The following DZIP1 variants were observed in gnomAD, a reference collection of about 807,000 sequenced individuals.
DZIP1 encodes the protein DAZ interacting zinc finger protein 1, also known as cilium assembly protein DZIP1.
In DZIP1, 97 loss-of-function variants were observed where a neutral mutation model predicts 107.6. The ratio of observed to expected loss-of-function variants is 0.90; its 90% CI spans 0.77 to 1.07. The LOEUF is 1.07. Ranked by LOEUF, DZIP1 falls within the 50% of genes least tolerant of loss-of-function variation. The probability of loss-of-function intolerance (pLI) is 0.00; values close to 1 mark genes in which losing one functional copy is unlikely to be tolerated. For missense variants in DZIP1, 1,035 were observed against 1,063.6 expected (o/e 0.97, Z 0.37); for synonymous variants, 390 against 386.4 (o/e 1.01, Z -0.11).
chr13:95,633,933 A>C (rs1410889947), intron 5 of DZIP1, among the ~76,000 whole-genome samples: 2 of 152,170 alleles, frequency 1.3e-5, no homozygotes, highest in African/African-American at 4.8e-5. Context: ...AAAAGTAAAA[A>C]TATAAGTAAA....
intron 18 of DZIP1, 32 bp downstream of exon 18, chr13:95,589,771 G>C: frequency 6.2e-7 from 1 of 1,602,686 alleles, no homozygotes; most frequent in Non-Finnish European, 8.5e-7. Flanking sequence ...GACAAACACT[G>C]ATAAAATAAA....
chr13:95,582,367 A>C (rs2044031395), intron 22 of DZIP1, 54 bp from the exon 23 acceptor site: 1 of 1,400,814 alleles, frequency 7.1e-7, no homozygotes, highest in Admixed American at 1.7e-5. Flanking sequence ...AAACAAGCAC[A>C]TTGTCAAGTC....
Position 95,624,828 on chromosome 13 carries a change from G to T in DZIP1, c.912C>A (p.Val304=), listed in dbSNP as rs1035900584. The T allele has an allele frequency of 2.5e-6, 4 of 1,611,178 alleles. No individual in the cohort carries two copies. The highest frequency in any genetic ancestry group is 2.5e-6 in the Non-Finnish European group (3 of 1,178,200). The change falls in exon 8 of 23, where the codon GTC becomes GTA. Residue 304 remains valine (V), a synonymous_variant. Transcript: ENST00000376829. ...KEKLVDEMEK[V]KEMFMKEFKE... ...TAAATTCCTTCATAAACATCTCCTT[G>T]ACTTTTTCCATTTCATCAACTAGTT...
intron 7 of DZIP1, among the ~76,000 whole-genome samples, chr13:95,626,694 A>T (rs1395005453): frequency 6.6e-6 from 1 of 152,252 alleles, no homozygotes; most frequent in East Asian, 1.9e-4. Context: ...CAAGGTCAAC[A>T]TGCAAAAAGC....
At chr13:95,593,429 T>C (rs1042899047) in intron 16 of DZIP1, among the ~76,000 whole-genome samples, 69 of 152,234 alleles carry the variant, frequency 4.5e-4, no homozygotes, top group Non-Finnish European at 1.5e-5. Flanking sequence ...GTGTCTTTTA[T>C]GTATGTCAAT....
In DZIP1 at chr13:95,642,077, G is replaced by A; in HGVS notation, c.-48C>T. The A allele has an allele frequency of 6.7e-7, 1 of 1,487,738 alleles. No individual in the cohort carries two copies. Among genetic ancestry groups the A allele is most frequent in the Non-Finnish European group, 8.9e-7 (1 of 1,128,716 alleles). The allele number at this position is 1,487,738 out of a possible 1,614,324, so 92.2% of individuals were successfully genotyped here. The stretch of plus-strand genomic sequence containing the variant: ...CCCAGCCTGGGCCGCCTCCCGGGCC[G>A]CCGCCGCCACAGCCCTCAGGAGCGG... On this transcript the variant is annotated 5_prime_UTR_variant, in exon 4 of 23. Transcript: ENST00000376829.
chr13:95,615,358 C>A (rs1224146565), intron 10 of DZIP1, among the ~76,000 whole-genome samples: 3 of 152,130 alleles, frequency 2.0e-5, no homozygotes, highest in African/African-American at 7.2e-5. Context: ...AATAAAGAAA[C>A]CTGAATTCTG....
In DZIP1 at chr13:95,642,013, G is replaced by A; in HGVS notation, c.17C>T (p.Ala6Val). ...TCTTACCATGCTTGAAAACCAATCC[G>A]CTGCCTCAGCTTGCATAGGAGGAGC... is the stretch of plus-strand genomic sequence containing the variant. MQAEA[A>V]DWFSSMPFQK... The change falls in exon 4 of 23, where the codon GCG (alanine) becomes GTG (valine). Residue 6 changes from alanine (A) to valine (V), a missense_variant. Transcript: ENST00000376829. 3 of 1,576,638 alleles carry A rather than the reference G, an allele frequency of 1.9e-6. No individual in the cohort carries two copies. The highest frequency in any genetic ancestry group is 2.6e-6 in the Non-Finnish European group (3 of 1,166,762).
chr13:95,642,166 G>T lies in DZIP1; in HGVS notation c.-137C>A. ...CTAAGGTCTGGGCGTCCAGGACGTT[G>T]CTATAGCAGCGCCCAGGTCCGGACC... On this transcript the variant is annotated 5_prime_UTR_variant, in exon 4 of 23. Transcript: ENST00000376829. 8.5e-7 allele frequency: 1 copy of T among 1,182,786 alleles called. No homozygotes were observed. Among genetic ancestry groups the T allele is most frequent in the Non-Finnish European group, 1.1e-6 (1 of 886,454 alleles). The allele number at this position is 1,182,786 out of a possible 1,614,324, so 73.3% of individuals were successfully genotyped here.
At chr13:95,598,646 A>G (rs1174976426) in intron 15 of DZIP1, among the ~76,000 whole-genome samples, 1 of 152,124 alleles carries the variant, frequency 6.6e-6, no homozygotes, top group Non-Finnish European at 1.5e-5. Flanking sequence ...GAAGTGATAT[A>G]TGGTGAATTA....
At position 95,609,457 on chromosome 13, in the gene DZIP1, T is replaced by G. The variant is rs751863223; in HGVS notation, c.1420A>C (p.Met474Leu). The G allele has an allele frequency of 6.4e-7, 1 of 1,567,082 alleles. No homozygotes were observed. Among genetic ancestry groups the G allele is most frequent in the Non-Finnish European group, 8.6e-7 (1 of 1,158,082 alleles). Residue 474 changes from methionine to leucine, a missense_variant and splice_region_variant, in exon 13 of 23, where the codon ATG becomes CTG. Transcript: ENST00000376829. ...CCCTGCATCTATTATAGGAACTTAC[T>G]AGGCACAGCTGGAGCAGCTGGCTGA... ...ESQPAAPAVP[M>L]NAPALHTLET...
intron 10 of DZIP1, among the ~76,000 whole-genome samples, chr13:95,618,160 T>C (rs2139208749): frequency 6.6e-6 from 1 of 152,294 alleles, no homozygotes; most frequent in South Asian, 2.1e-4. Context: ...GTTCAGTCCC[T>C]AGGGCACTCT....
rs150560291 is a variant in DZIP1, at chr13:95,584,374, C to T, written c.2524+362G>A. Among the ~76,000 whole-genome samples the T allele has an allele frequency of 2.1e-3, 316 of 151,792 alleles. 2 individuals carry two copies. Among genetic ancestry groups the T allele is most frequent in the African/African-American group, 7.3e-3 (302 of 41,420 alleles). Reference sequence around the variant, plus strand: ...ACTCTGGGAGGCCGAAGTGGGAGGACTGCCTCAGTTACTGGGGAGGCTGAG... The same window carrying T: ...ACTCTGGGAGGCCGAAGTGGGAGGATTGCCTCAGTTACTGGGGAGGCTGAG... On this transcript the variant is annotated intron_variant, in intron 22 of 22. Coordinates refer to ENST00000376829, the MANE Select transcript of DZIP1 (RefSeq NM_198968.4).
intron 12 of DZIP1, 77 bp from the exon 13 acceptor site, chr13:95,609,590 T>A: frequency 9.7e-7 from 1 of 1,027,812 alleles, no homozygotes; most frequent in Non-Finnish European, 1.4e-6. Context: ...TATACTAATT[T>A]GAGCCCCCAT....
At chr13:95,605,033 C>T (rs2044731192) in intron 14 of DZIP1, among the ~76,000 whole-genome samples, 1 of 152,138 alleles carries the variant, frequency 6.6e-6, no homozygotes. Context: ...ATTGTGATCA[C>T]ATACTCAAGA....
At chr13:95,622,931 G>A (rs569974253) in intron 8 of DZIP1, among the ~76,000 whole-genome samples, 1 of 151,898 alleles carries the variant, frequency 6.6e-6, no homozygotes, top group South Asian at 2.1e-4. Flanking sequence ...TTTTTGTAGA[G>A]ACAGGGTTTT....
intron 6 of DZIP1, among the ~76,000 whole-genome samples, chr13:95,632,259 G>A (rs1295536638): frequency 6.6e-6 from 1 of 152,022 alleles, no homozygotes; most frequent in Non-Finnish European, 1.5e-5. Flanking sequence ...ACCCCCACCT[G>A]CATGTCTGTT....
Position 95,579,018 on chromosome 13 carries a change from A to T in DZIP1, c.*3216T>A, listed in dbSNP as rs543211290. 3 of 152,168 alleles carry T rather than the reference A, an allele frequency of 2.0e-5. No individual in the cohort carries two copies. Among genetic ancestry groups the T allele is most frequent in the Non-Finnish European group, 4.4e-5 (3 of 68,044 alleles). 9.4% of individuals were successfully genotyped at this position (152,168 alleles called of 1,614,324 possible). A position where few individuals can be genotyped will look rare whatever the true frequency, so the allele number is the denominator to read the frequency against. On this transcript the variant is annotated 3_prime_UTR_variant, in exon 23 of 23. Transcript: ENST00000376829. ...CATGGTTGACTGAGGAGCCAATTAA[A>T]ACCTGTTTATGCCTAGTGTTCCATT...
At chr13:95,642,450 A>T (rs1051445888) in intron 3 of DZIP1, among the ~76,000 whole-genome samples, 1 of 152,226 alleles carries the variant, frequency 6.6e-6, no homozygotes, top group Non-Finnish European at 1.5e-5. Flanking sequence ...TATTCACTGT[A>T]GCCCTGGCCT....
Sources: allele counts gnomAD v4.1 joint callset (sites outside exome capture counted in the v4.1 genomes callset), GRCh38; gene constraint gnomAD v4.1.1; transcripts MANE v1.5; gene names NCBI Gene and HGNC (gene_info 2026-07-23, HGNC 2026-07-21).